KCNQ5: variants seen among roughly 807,000 people sequenced by gnomAD.
KCNQ5 encodes the protein potassium voltage-gated channel subfamily Q member 5, also known as potassium voltage-gated channel subfamily KQT member 5.
In KCNQ5, 30 loss-of-function variants were observed where a neutral mutation model predicts 98.2. The observed-to-expected ratio is 0.31, with a 90% confidence interval of 0.23 to 0.41. The LOEUF (loss-of-function observed/expected upper bound fraction) is 0.41. KCNQ5 is among the 10% of genes least tolerant of loss of function. The pLI is 1.00. For missense variants in KCNQ5, 835 were observed against 1,182.5 expected, an observed-to-expected ratio of 0.71 and a Z score of 4.31; for synonymous variants, 458 against 449.4, an observed-to-expected ratio of 1.02 and a Z score of -0.24.
At chr6:72,951,465 G>C (rs1273087004) in intron 1 of KCNQ5, among the ~76,000 whole-genome samples, 2 of 129,032 alleles carry the variant, frequency 1.6e-5, no homozygotes, top group African/African-American at 5.8e-5. Context: ...TTTTTTTTAA[G>C]TAGAGAAGAG....
intron 10 of KCNQ5, among the ~76,000 whole-genome samples, chr6:73,158,356 T>C (rs1213427814): frequency 6.8e-6 from 1 of 147,184 alleles, no homozygotes; most frequent in Non-Finnish European, 1.5e-5. Context: ...AACCTCCGCC[T>C]CCCGGGTTCG....
At chr6:73,076,178 A>T (rs375861419) in intron 3 of KCNQ5, among the ~76,000 whole-genome samples, 1 of 152,232 alleles carries the variant, frequency 6.6e-6, no homozygotes, top group Non-Finnish European at 1.5e-5. Context: ...AGTCCACACC[A>T]GGAGACCAGA....
At chr6:73,155,550 G>A (rs1312551313) in intron 10 of KCNQ5, among the ~76,000 whole-genome samples, 1 of 152,208 alleles carries the variant, frequency 6.6e-6, no homozygotes, top group Non-Finnish European at 1.5e-5. Flanking sequence ...TATAAGATGA[G>A]GCTGAATGGG....
intron 10 of KCNQ5, among the ~76,000 whole-genome samples, chr6:73,136,478 A>T (rs1238219059): frequency 6.6e-6 from 1 of 152,236 alleles, no homozygotes; most frequent in Non-Finnish European, 1.5e-5. Flanking sequence ...GTCTCCTGTC[A>T]TCTATTTTCT....
chr6:72,699,989 G>T (rs1395378731), intron 1 of KCNQ5, among the ~76,000 whole-genome samples: 2 of 152,088 alleles, frequency 1.3e-5, no homozygotes, highest in African/African-American at 2.4e-5. Flanking sequence ...ATAAGAACTA[G>T]ACCCATTTCA....
intron 1 of KCNQ5, among the ~76,000 whole-genome samples, chr6:72,735,677 A>G (rs1246607717): frequency 6.6e-6 from 1 of 152,068 alleles, no homozygotes; most frequent in East Asian, 1.9e-4. Flanking sequence ...TAGATTTAGA[A>G]TTCAGATTAC....
intron 1 of KCNQ5, among the ~76,000 whole-genome samples, chr6:72,772,200 C>T (rs753129755): frequency 3.9e-5 from 6 of 152,028 alleles, no homozygotes; most frequent in Non-Finnish European, 8.8e-5. Flanking sequence ...AAGGCTATTA[C>T]ATATCTTTTA....
intron 1 of KCNQ5, among the ~76,000 whole-genome samples, chr6:72,899,176 T>A (rs1779377531): frequency 6.6e-6 from 1 of 152,228 alleles, no homozygotes; most frequent in Non-Finnish European, 1.5e-5. Flanking sequence ...ACTGAGACAT[T>A]ATTAAACAGA....
intron 2 of KCNQ5, among the ~76,000 whole-genome samples, chr6:73,005,197 C>T (rs1769761879): frequency 6.6e-6 from 1 of 152,168 alleles, no homozygotes; most frequent in Admixed American, 6.5e-5. Flanking sequence ...AGGTAGAGAA[C>T]AGATAGACCA....
At chr6:72,859,337 G>A (rs185175070) in intron 1 of KCNQ5, among the ~76,000 whole-genome samples, 1 of 152,126 alleles carries the variant, frequency 6.6e-6, no homozygotes, top group Admixed American at 6.5e-5. Context: ...ATTTTTTTAA[G>A]CATGGGTGGC....
chr6:72,709,323 T>C (rs1367106567), intron 1 of KCNQ5, among the ~76,000 whole-genome samples: 1 of 152,180 alleles, frequency 6.6e-6, no homozygotes, highest in Non-Finnish European at 1.5e-5. Flanking sequence ...GGTCTTGGAA[T>C]CCCATTCATT....
intron 1 of KCNQ5, among the ~76,000 whole-genome samples, chr6:72,772,763 A>C (rs938125252): frequency 5.3e-5 from 8 of 152,292 alleles, no homozygotes; most frequent in Middle Eastern, 3.4e-3. Flanking sequence ...AAAAAATGTC[A>C]CTGAACTGCA....
intron 1 of KCNQ5, among the ~76,000 whole-genome samples, chr6:72,977,414 A>G (rs1335104194): frequency 1.3e-5 from 2 of 152,214 alleles, no homozygotes; most frequent in Non-Finnish European, 2.9e-5. Flanking sequence ...TAGAAGGTCT[A>G]TCTGGAGAAA....
chr6:73,079,861 C>A lies in KCNQ5; in HGVS notation c.918+1974C>A, dbSNP rs113310697. On this transcript the variant is annotated intron_variant, in intron 5 of 13. Transcript: ENST00000370398. ...CTGAGAAAACAGGAGGCTTTTCTTG[C>A]CAGCAAGGGGAAGACAGTTTATCAT... 3.4e-3 allele frequency among the ~76,000 whole-genome samples: 521 copies of A among 152,244 alleles called. 1 individual carries two copies. The highest frequency in any genetic ancestry group is 8.5e-3 in the South Asian group (41 of 4,826).
intron 1 of KCNQ5, among the ~76,000 whole-genome samples, chr6:72,944,270 T>A (rs1766437178): frequency 6.6e-6 from 1 of 152,214 alleles, no homozygotes; most frequent in South Asian, 2.1e-4. Flanking sequence ...TTTTGCCACA[T>A]TTTGTGAGAT....
At chr6:72,808,511 C>G (rs1775066692) in intron 1 of KCNQ5, among the ~76,000 whole-genome samples, 1 of 152,118 alleles carries the variant, frequency 6.6e-6, no homozygotes. Context: ...TCTCCTATGT[C>G]TTATGTTACT....
chr6:73,088,582 A>G (rs935549353), intron 5 of KCNQ5, among the ~76,000 whole-genome samples: 2 of 152,132 alleles, frequency 1.3e-5, no homozygotes, highest in Non-Finnish European at 2.9e-5. Flanking sequence ...TAGCTTTAAC[A>G]TCACCCTGTT....
chr6:73,033,548 A>G (rs1298703717), intron 2 of KCNQ5, among the ~76,000 whole-genome samples: 1 of 152,168 alleles, frequency 6.6e-6, no homozygotes, highest in Non-Finnish European at 1.5e-5. Flanking sequence ...AGCTACTCAA[A>G]CAAATTCATC....
chr6:73,173,330 A>C (rs534721206), intron 11 of KCNQ5, among the ~76,000 whole-genome samples: 64 of 152,318 alleles, frequency 4.2e-4, no homozygotes, highest in African/African-American at 1.5e-3. Context: ...GTTTCTTTTT[A>C]TCCACTCATA....
Sources: gnomAD v4.1 joint callset for allele counts (sites outside exome capture counted in the v4.1 genomes callset) on GRCh38, gnomAD v4.1.1 for gene constraint, MANE v1.5 for transcripts, NCBI Gene and HGNC (gene_info 2026-07-23, HGNC 2026-07-21) for gene names.